JRK: variants seen among roughly 807,000 people sequenced by gnomAD.
JRK encodes jerky protein homolog.
For missense variants in JRK, 720 were observed against 509.2 expected (o/e 1.41, Z -3.98); for synonymous variants, 303 against 218.1 (o/e 1.39, Z -3.43).
intron 1 of JRK, among the ~76,000 whole-genome samples, chr8:142,669,472 G>C (rs1199585036): frequency 1.3e-5 from 2 of 152,170 alleles, no homozygotes; most frequent in African/African-American, 2.4e-5. Flanking sequence ...CCGTACCCCA[G>C]GGTCCCCGTT....
chr8:142,658,613 C>A lies in JRK; in HGVS notation c.*5739G>T. 2.3e-6 allele frequency: 1 copy of A among 428,314 alleles called. No homozygotes were observed. Among genetic ancestry groups the A allele is most frequent in the East Asian group, 4.6e-5 (1 of 21,660 alleles). 26.5% of individuals were successfully genotyped at this position (428,314 alleles called of 1,614,324 possible). ...ATAAGGACTCGATCTCATCGGCGAG[C>A]CCCACCCTCACGATCTCACCTAAGC... is the stretch of plus-strand genomic sequence containing the variant. On this transcript the variant is annotated 3_prime_UTR_variant, in exon 2 of 2. Transcript: ENST00000612905.
Position 142,657,977 on chromosome 8 carries a change from G to C in JRK, c.*6375C>G, listed in dbSNP as rs1846792656. On this transcript the variant is annotated 3_prime_UTR_variant, in exon 2 of 2. Transcript: ENST00000612905. ...TGTTATTGGCGCTGGGTAGGGTATG[G>C]TGGGAATCCTCCAGGCCCTGGCCAT... 6.6e-6 allele frequency: 1 copy of C among 152,300 alleles called. No homozygotes were observed. Among genetic ancestry groups the C allele is most frequent in the Non-Finnish European group, 1.5e-5 (1 of 68,100 alleles). The allele number at this position is 152,300 out of a possible 1,614,324, so 9.4% of individuals were successfully genotyped here. A position where few individuals can be genotyped will look rare whatever the true frequency, so the allele number is the denominator to read the frequency against.
In JRK at chr8:142,659,210, A is replaced by G; in HGVS notation, c.*5142T>C. Reference sequence around the variant, plus strand: ...GACAGGCCTTCCTTTCACACACATCAGAAATAGGGAACCCAAGACCTCGAG... The same window carrying G: ...GACAGGCCTTCCTTTCACACACATCGGAAATAGGGAACCCAAGACCTCGAG... On this transcript the variant is annotated 3_prime_UTR_variant, in exon 2 of 2. Transcript: ENST00000612905. The G allele has an allele frequency of 8.5e-7, 1 of 1,182,536 alleles. No individual in the cohort carries two copies. The highest frequency in any genetic ancestry group is 1.1e-6 in the Non-Finnish European group (1 of 950,250). 73.3% of individuals were successfully genotyped at this position (1,182,536 alleles called of 1,614,324 possible).
At position 142,664,396 on chromosome 8, in the gene JRK, C is replaced by A. The variant is rs1554635075; in HGVS notation, c.1663G>T (p.Ala555Ser). Residue 555 changes from alanine (A) to serine (S), a missense_variant, in exon 2 of 2, where the codon GCT (alanine) becomes TCT (serine). Transcript: ENST00000612905. ...QEGPGGCGAT[A>S]QSPLPCSSTA... is the part of the protein sequence containing the mutation. ...GATGAGCAGGGCAAGGGAGACTGAG[C>A]TGTGGCCCCACAGCCACCAGGGCCC... is the stretch of plus-strand genomic sequence containing the variant. 1.3e-6 allele frequency: 2 copies of A among 1,594,952 alleles called. No homozygotes were observed. The highest frequency in any genetic ancestry group is 1.7e-6 in the Non-Finnish European group (2 of 1,167,960).
rs587654506 is a variant in JRK at position 142,659,028 on chromosome 8, G to C, written c.*5324C>G. Reference sequence around the variant, plus strand: ...GGTGTAGTCACTTCCCTCTGCCAGGGAGAATGGTGGAGGAAGAATGGATTC... The same window carrying C: ...GGTGTAGTCACTTCCCTCTGCCAGGCAGAATGGTGGAGGAAGAATGGATTC... On this transcript the variant is annotated 3_prime_UTR_variant, in exon 2 of 2. Coordinates refer to ENST00000612905, the MANE Select transcript of JRK (RefSeq NM_003724.4). 4.1e-5 allele frequency: 61 copies of C among 1,484,846 alleles called. No homozygotes were observed. The highest frequency in any genetic ancestry group is 3.8e-4 in the Admixed American group (17 of 44,672). The allele number at this position is 1,484,846 out of a possible 1,614,324, so 92.0% of individuals were successfully genotyped here.
At chr8:142,654,751 T>C (rs35985277), downstream of JRK, among the ~76,000 whole-genome samples, 89,951 of 150,842 alleles carry the variant, frequency 0.6, 28,036 homozygotes, top group Admixed American at 0.69. Context: ...CCCCAGCCAC[T>C]CCCCAGCTCA....
At chr8:142,644,425 A>G in the JRK span, among the ~76,000 whole-genome samples, 1 of 152,176 alleles carries the variant, frequency 6.6e-6, no homozygotes, top group East Asian at 1.9e-4. Flanking sequence ...TACCAATAAC[A>G]TATTTATACA....
chr8:142,666,772 C>T (rs1847140685), intron 1 of JRK, among the ~76,000 whole-genome samples: 1 of 152,228 alleles, frequency 6.6e-6, no homozygotes, highest in East Asian at 1.9e-4. Flanking sequence ...TTCGCTAGGG[C>T]TGGAAACGAG....
chr8:142,650,711 C>A, the JRK span, among the ~76,000 whole-genome samples: 25 of 152,202 alleles, frequency 1.6e-4, no homozygotes, highest in African/African-American at 5.8e-4. Context: ...AAACCTCTTT[C>A]TTTTGTAAAT....
Position 142,659,329 on chromosome 8 carries a change from C to A in JRK, c.*5023G>T. The A allele has an allele frequency of 2.0e-6, 2 of 1,000,494 alleles. No individual in the cohort carries two copies. Among genetic ancestry groups the A allele is most frequent in the African/African-American group, 3.5e-5 (2 of 57,900 alleles). 62.0% of individuals were successfully genotyped at this position (1,000,494 alleles called of 1,614,324 possible). On this transcript the variant is annotated 3_prime_UTR_variant, in exon 2 of 2. Transcript: ENST00000612905. ...CAGAGCAGACCATGCTGACACTGGG[C>A]AACACATTCCCTGCTCTGGACCTCA... is the stretch of plus-strand genomic sequence containing the variant.
rs1027760829 is a variant in JRK at position 142,663,677 on chromosome 8, C to A, written c.*675G>T. ...TCTACCAAGTCAACTCTCCGTGGGG[C>A]CCCCCAACATCTTGGGGCCAGAGCC... On this transcript the variant is annotated 3_prime_UTR_variant, in exon 2 of 2. Coordinates refer to ENST00000612905, the MANE Select transcript of JRK (RefSeq NM_003724.4). 37 of 985,276 alleles carry A rather than the reference C, an allele frequency of 3.8e-5. No homozygotes were observed. The highest frequency in any genetic ancestry group is 4.5e-5 in the Non-Finnish European group (37 of 829,882). The allele number at this position is 985,276 out of a possible 1,614,324, so 61.0% of individuals were successfully genotyped here.
At chr8:142,656,220 C>A (rs1554633624), downstream of JRK, among the ~76,000 whole-genome samples, 2 of 152,188 alleles carry the variant, frequency 1.3e-5, no homozygotes, top group African/African-American at 4.8e-5. Context: ...TGGATACTAG[C>A]CAACCCAATC....
chr8:142,645,828 C>A, the JRK span, among the ~76,000 whole-genome samples: 1 of 152,202 alleles, frequency 6.6e-6, no homozygotes, highest in African/African-American at 2.4e-5. Flanking sequence ...ATACAGGATT[C>A]TGTCTCATAT....
chr8:142,659,440 C>G lies in JRK; in HGVS notation c.*4912G>C, dbSNP rs1247276428. On this transcript the variant is annotated 3_prime_UTR_variant, in exon 2 of 2. Coordinates refer to ENST00000612905, the MANE Select transcript of JRK (RefSeq NM_003724.4). ...AGACATAGAGGGCCTTTGAGCACCT[C>G]GTAGCTTGCTTCCCAGCCAGCCTGG... 8 of 986,248 alleles carry G rather than the reference C, an allele frequency of 8.1e-6. No individual in the cohort carries two copies. In the African/African-American group the frequency reaches 1.2e-4, roughly 15 times the overall value. 61.1% of individuals were successfully genotyped at this position (986,248 alleles called of 1,614,324 possible). A position where few individuals can be genotyped will look rare whatever the true frequency, so the allele number is the denominator to read the frequency against.
At chr8:142,669,343 G>T (rs970364263) in intron 1 of JRK, among the ~76,000 whole-genome samples, 1 of 152,124 alleles carries the variant, frequency 6.6e-6, no homozygotes, top group Admixed American at 6.5e-5. Context: ...GCCTGGGGCC[G>T]TGCGCCCCGC....
chr8:142,664,879 C>A lies in JRK; in HGVS notation c.1180G>T (p.Gly394Cys). The change falls in exon 2 of 2, where the codon GGC becomes TGC. Residue 394 changes from glycine to cysteine, a missense_variant. Coordinates refer to ENST00000612905, the MANE Select transcript of JRK (RefSeq NM_003724.4). ...TCCAACTCCTCCTCAGAGGAGGAGCCTTCGGCAAACGCAACCGACGGCCAC... is the reference window on the plus strand; with the variant it reads ...TCCAACTCCTCCTCAGAGGAGGAGCATTCGGCAAACGCAACCGACGGCCAC... ...KLWPSVAFAE[G>C]SSSEEELEAE... The A allele has an allele frequency of 7.4e-7, 1 of 1,356,734 alleles. No homozygotes were observed. Among genetic ancestry groups the A allele is most frequent in the South Asian group, 1.2e-5 (1 of 85,052 alleles). The allele number at this position is 1,356,734 out of a possible 1,614,324, so 84.0% of individuals were successfully genotyped here. A position where few individuals can be genotyped will look rare whatever the true frequency, so the allele number is the denominator to read the frequency against.
At position 142,665,765 on chromosome 8, in the gene JRK, C is replaced by T. The variant is rs1554635868; in HGVS notation, c.294G>A (p.Leu98=). The part of the protein sequence containing the change: ...HLDRVLYEWF[L]GKRSEGVPVS... ...CGGGGACGCCCTCGGAGCGCTTCCC[C>T]AGGAACCACTCGTACAGGACGCGGT... The change falls in exon 2 of 2, where the codon CTG becomes CTA. Residue 98 remains leucine, a synonymous_variant. Transcript: ENST00000612905. 3 of 776,800 alleles carry T rather than the reference C, an allele frequency of 3.9e-6. No individual in the cohort carries two copies. Among genetic ancestry groups the T allele is most frequent in the Admixed American group, 1.7e-5 (1 of 58,722 alleles). The allele number at this position is 776,800 out of a possible 1,614,324, so 48.1% of individuals were successfully genotyped here.
chr8:142,665,813 G>C lies in JRK; in HGVS notation c.246C>G (p.His82Gln). The change falls in exon 2 of 2, where the codon CAC (histidine) becomes CAG (glutamine). Residue 82 changes from histidine (H) to glutamine (Q), a missense_variant. Physicochemically the swap from His to Gln is conservative, Grantham distance 24. Transcript: ENST00000612905. The stretch of plus-strand genomic sequence containing the variant: ...GGTCCAGGTGCTCCAGCTTGGGCGT[G>C]TGCAGCGTGCGCCGCTGCTCCAGCG... ...NKALEQRRTL[H>Q]TPKLEHLDRV... The C allele has an allele frequency of 2.6e-6, 2 of 779,022 alleles. No homozygotes were observed. Among genetic ancestry groups the C allele is most frequent in the East Asian group, 4.8e-5 (2 of 41,246 alleles). 48.3% of individuals were successfully genotyped at this position (779,022 alleles called of 1,614,324 possible).
chr8:142,661,320 T>G lies in JRK; in HGVS notation c.*3032A>C. ...CCCATCCTAACCCCTGAATTCACCA[T>G]GCCACCCTGAAAGTATGGCCTCTCC... is the stretch of plus-strand genomic sequence containing the variant. On this transcript the variant is annotated 3_prime_UTR_variant, in exon 2 of 2. Coordinates refer to ENST00000612905, the MANE Select transcript of JRK (RefSeq NM_003724.4). 1 of 985,422 alleles carries G rather than the reference T, an allele frequency of 1.0e-6. No individual in the cohort carries two copies. Among genetic ancestry groups the G allele is most frequent in the Non-Finnish European group, 1.2e-6 (1 of 829,932 alleles). The allele number at this position is 985,422 out of a possible 1,614,324, so 61.0% of individuals were successfully genotyped here.
Sources: gnomAD v4.1 joint callset for allele counts (sites outside exome capture counted in the v4.1 genomes callset) on GRCh38, gnomAD v4.1.1 for gene constraint, MANE v1.5 for transcripts, NCBI Gene and HGNC (gene_info 2026-07-23, HGNC 2026-07-21) for gene names.